ABAT: variants seen among roughly 807,000 people sequenced by gnomAD.
ABAT encodes the protein 4-aminobutyrate aminotransferase.
ABAT carries 45 observed loss-of-function variants against 64.6 expected under a neutral mutation model. The observed-to-expected ratio is 0.70, with a 90% CI of 0.55 to 0.89. The LOEUF (loss-of-function observed/expected upper bound fraction) is 0.89, where lower values mean the gene tolerates loss of function less well. Among genes scored for constraint, ABAT ranks in the 40% least tolerant of loss-of-function variants. ABAT has a pLI of 0.00. For missense variants in ABAT, 633 were observed against 658.4 expected (o/e 0.96, Z 0.42); for synonymous variants, 297 against 250.5 (o/e 1.19, Z -1.75).
chr16:8,694,313 G>A (rs1321795853), intron 1 of ABAT, among the ~76,000 whole-genome samples: 3 of 151,544 alleles, frequency 2.0e-5, no homozygotes, highest in Non-Finnish European at 4.4e-5. Context: ...GTGAGCCACC[G>A]CGCCCGGCCC....
At chr16:8,699,953 A>G (rs114624926) in intron 1 of ABAT, among the ~76,000 whole-genome samples, 140 of 152,094 alleles carry the variant, frequency 9.2e-4, no homozygotes, top group African/African-American at 3.2e-3. Context: ...AGCTGTGACT[A>G]TAGGCGTGTG....
chr16:8,776,183 G>A lies in ABAT; in HGVS notation c.1123-161G>A, dbSNP rs1384552822. On this transcript the variant is annotated intron_variant, in intron 13 of 15. Coordinates refer to ENST00000268251, the MANE Select transcript of ABAT (RefSeq NM_020686.6). The surrounding 1 kb of genome is among the most constrained non-coding windows in gnomAD (Gnocchi z 4.4). ...TCTCCTGCTAGCCTCTGGTAGAGAA[G>A]AATTCAGCGAGATTGGGTGTGTTCC... 1.3e-5 allele frequency among the ~76,000 whole-genome samples: 2 copies of A among 152,188 alleles called. No individual in the cohort carries two copies. Among genetic ancestry groups the A allele is most frequent in the Non-Finnish European group, 2.9e-5 (2 of 68,038 alleles).
chr16:8,749,090 C>CTT (rs763509254), intron 4 of ABAT, among the ~76,000 whole-genome samples: 8 of 140,266 alleles, frequency 5.7e-5, no homozygotes, highest in Admixed American at 1.5e-4. Context: ...TTTTGTTCCT[C>CTT]TTTTTTTTTT....
intron 9 of ABAT, among the ~76,000 whole-genome samples, chr16:8,767,862 G>C (rs1421463169): frequency 6.6e-6 from 1 of 151,956 alleles, no homozygotes; most frequent in Non-Finnish European, 1.5e-5. Context: ...TTTTAGTAGA[G>C]ACGGGGTTTC....
At chr16:8,779,331 C>A in intron 14 of ABAT, 148 bp from the exon 15 acceptor site, 1 of 697,168 alleles carries the variant, frequency 1.4e-6, no homozygotes, top group Non-Finnish European at 2.6e-6. Context: ...CTGAATGTCC[C>A]CAGAGCTCTT....
At chr16:8,731,224 A>G (rs1398183879) in intron 1 of ABAT, among the ~76,000 whole-genome samples, 1 of 152,156 alleles carries the variant, frequency 6.6e-6, no homozygotes, top group African/African-American at 2.4e-5. Context: ...TGGCCTCCCA[A>G]AATTCCGGGA....
chr16:8,717,280 A>C (rs1420411235), intron 1 of ABAT, among the ~76,000 whole-genome samples: 2 of 152,196 alleles, frequency 1.3e-5, no homozygotes, highest in Non-Finnish European at 2.9e-5. Context: ...ACAAGAGCAA[A>C]ACTCCATCTC....
chr16:8,721,889 C>A (rs1393071128), intron 1 of ABAT, among the ~76,000 whole-genome samples: 1 of 152,194 alleles, frequency 6.6e-6, no homozygotes, highest in Non-Finnish European at 1.5e-5. Flanking sequence ...GTGGGTGGGA[C>A]TGAAGAGCTC....
chr16:8,692,098 G>A (rs1028792070), intron 1 of ABAT, among the ~76,000 whole-genome samples: 1 of 152,090 alleles, frequency 6.6e-6, no homozygotes, highest in African/African-American at 2.4e-5. Flanking sequence ...GTAAAACGTG[G>A]GCCAGTCGCC....
chr16:8,721,284 A>G (rs895859752), intron 1 of ABAT, among the ~76,000 whole-genome samples: 12 of 152,102 alleles, frequency 7.9e-5, no homozygotes, highest in African/African-American at 2.7e-4. Flanking sequence ...CCCTGTATCC[A>G]TGGGATGTTT....
rs577911191 is a variant in ABAT, at chr16:8,750,251, C to T, written c.199-171C>T. On this transcript the variant is annotated intron_variant, in intron 4 of 15. Coordinates refer to ENST00000268251, the MANE Select transcript of ABAT (RefSeq NM_020686.6). Reference sequence around the variant, plus strand: ...GCTTACTGAACTATTATAAAGCAAACCACCCATGCACTTAGCCAAAACAAG... The same window carrying T: ...GCTTACTGAACTATTATAAAGCAAATCACCCATGCACTTAGCCAAAACAAG... Among the ~76,000 whole-genome samples, 10 of 152,098 alleles carry T rather than the reference C, an allele frequency of 6.6e-5. No homozygotes were observed. In the South Asian group the frequency reaches 2.1e-3, roughly 32 times the overall value.
At chr16:8,710,896 A>C (rs769010619) in intron 1 of ABAT, among the ~76,000 whole-genome samples, 14 of 152,160 alleles carry the variant, frequency 9.2e-5, no homozygotes, top group Non-Finnish European at 1.6e-4. Context: ...TTAGAACAAG[A>C]GAGAAGACCG....
At chr16:8,735,611 A>T in intron 1 of ABAT, 88 bp from the exon 2 acceptor site, 1 of 1,052,410 alleles carries the variant, frequency 9.5e-7, no homozygotes, top group Non-Finnish European at 1.4e-6. Flanking sequence ...AACTTTCTCT[A>T]TTAGGTGGGA....
Position 8,754,179 on chromosome 16 carries a change from TAAAAAA to T in ABAT, c.317-3557_317-3552del, listed in dbSNP as rs750745519. On this transcript the variant is annotated intron_variant, in intron 5 of 15. Transcript: ENST00000268251. ...AGCCAACATGTTGAAACCCTGTCTA[TAAAAAA>T]AAAAAAAAAAAAAAAAAAAATTAGC... 2.8e-4 allele frequency among the ~76,000 whole-genome samples: 18 copies of T among 63,838 alleles called. 1 individual carries two copies. Among genetic ancestry groups the T allele is most frequent in the South Asian group, 7.1e-4 (1 of 1,408 alleles). The allele number at this position is 63,838 out of a possible 152,430, so 41.9% of individuals were successfully genotyped here.
rs1346061891 is a variant in ABAT, at chr16:8,781,114, G to T, written c.1382-195G>T. ...GAAGAGAATGATGGAGGAGATGAAT[G>T]AGGGGAGAGAGAAAGGAAATGAAGA... On this transcript the variant is annotated intron_variant, in intron 15 of 15. Coordinates refer to ENST00000268251, the MANE Select transcript of ABAT (RefSeq NM_020686.6). The surrounding 1 kb of genome is among the most constrained non-coding windows in gnomAD (Gnocchi z 4.5). 1.2e-6 allele frequency: 1 copy of T among 805,382 alleles called. No homozygotes were observed. The highest frequency in any genetic ancestry group is 1.7e-5 in the Admixed American group (1 of 57,906). 49.9% of individuals were successfully genotyped at this position (805,382 alleles called of 1,614,324 possible). A position where few individuals can be genotyped will look rare whatever the true frequency, so the allele number is the denominator to read the frequency against.
At chr16:8,706,931 T>G (rs1260449815) in intron 1 of ABAT, among the ~76,000 whole-genome samples, 2 of 152,126 alleles carry the variant, frequency 1.3e-5, no homozygotes, top group Non-Finnish European at 2.9e-5. Flanking sequence ...GCTGCAAGAA[T>G]GGCAGGTGCA....
chr16:8,723,004 C>T (rs567338628), intron 1 of ABAT, among the ~76,000 whole-genome samples: 26 of 152,040 alleles, frequency 1.7e-4, no homozygotes, highest in African/African-American at 5.5e-4. Context: ...TCTGGGAGGC[C>T]GAGGGATCAC....
chr16:8,682,206 C>A (rs1214856477), intron 1 of ABAT, among the ~76,000 whole-genome samples: 1 of 136,324 alleles, frequency 7.3e-6, no homozygotes, highest in African/African-American at 2.5e-5. Context: ...CACACACACA[C>A]ACACACACAC....
rs145735023 is a variant in ABAT at position 8,711,490 on chromosome 16, G to T, written c.-41-24209G>T. On this transcript the variant is annotated intron_variant, in intron 1 of 15. Transcript: ENST00000268251. ...TCTGGCTTGAACAAATGAGTAGGCA[G>T]TGGGTCTGTTAATGGAGATGCTCAA... 4.6e-5 allele frequency among the ~76,000 whole-genome samples: 7 copies of T among 152,334 alleles called. No homozygotes were observed. The East Asian group carries it at 1.3e-3, about 29-fold the overall frequency.
Sources: allele counts gnomAD v4.1 joint callset (sites outside exome capture counted in the v4.1 genomes callset), GRCh38; gene constraint gnomAD v4.1.1; non-coding constraint Gnocchi (gnomAD v3.1); transcripts MANE v1.5; gene names NCBI Gene and HGNC (gene_info 2026-07-23, HGNC 2026-07-21).